The following TRHDE variants were observed in gnomAD, a reference collection of about 807,000 sequenced individuals.
TRHDE encodes thyrotropin-releasing hormone-degrading ectoenzyme.
TRHDE carries 72 observed loss-of-function variants against 125.7 expected under a neutral mutation model. That is an observed-to-expected ratio of 0.57 (90% CI 0.47 to 0.70). TRHDE has a LOEUF of 0.70. Among genes scored for constraint, TRHDE ranks in the 30% least tolerant of loss-of-function variants. The pLI, the probability that TRHDE is intolerant of heterozygous loss-of-function variation, is 0.00. For missense variants in TRHDE, 1,110 were observed against 1,327.1 expected (o/e 0.84, Z 2.54); for synonymous variants, 509 against 509.1 (o/e 1.00, Z 0.00).
chr12:72,100,610 A>G (rs1163351514), intron 1 of TRHDE, among the ~76,000 whole-genome samples: 1 of 152,140 alleles, frequency 6.6e-6, no homozygotes, highest in Non-Finnish European at 1.5e-5. Context: ...TCTGAGGGAG[A>G]AGATAGAGAA....
chr12:72,602,055 G>A (rs1037803303), intron 12 of TRHDE, among the ~76,000 whole-genome samples: 19 of 152,090 alleles, frequency 1.2e-4, no homozygotes, highest in African/African-American at 4.3e-4. Flanking sequence ...TCCTATCAGA[G>A]CTTCATGAGA....
chr12:72,429,637 T>G (rs998056215), intron 3 of TRHDE, among the ~76,000 whole-genome samples: 8 of 152,154 alleles, frequency 5.3e-5, no homozygotes, highest in African/African-American at 1.9e-4. Flanking sequence ...CCATTCTACA[T>G]TCCAGCCACC....
intron 2 of TRHDE, among the ~76,000 whole-genome samples, chr12:72,242,574 C>T (rs1878503581): frequency 6.6e-6 from 1 of 152,138 alleles, no homozygotes; most frequent in Non-Finnish European, 1.5e-5. Context: ...GTAGACTCTC[C>T]TGCTTCTTGA....
intron 2 of TRHDE, among the ~76,000 whole-genome samples, chr12:72,329,765 T>C (rs148963306): frequency 9.1e-4 from 139 of 152,310 alleles, no homozygotes; most frequent in Non-Finnish European, 1.3e-3. Flanking sequence ...ACCATGAAAT[T>C]ATGGCTTATT....
At chr12:72,150,453 T>C (rs1468538206) in intron 2 of TRHDE, among the ~76,000 whole-genome samples, 1 of 151,352 alleles carries the variant, frequency 6.6e-6, no homozygotes, top group African/African-American at 2.4e-5. Flanking sequence ...TACGTGCAGG[T>C]TAGTTATATA....
At chr12:72,541,998 G>A (rs1367891614) in intron 6 of TRHDE, among the ~76,000 whole-genome samples, 2 of 151,296 alleles carry the variant, frequency 1.3e-5, no homozygotes, top group Non-Finnish European at 3.0e-5. Flanking sequence ...CATATATAGT[G>A]TTCAATAAAA....
chr12:72,236,033 T>C (rs995191411), intron 2 of TRHDE, among the ~76,000 whole-genome samples: 2 of 152,220 alleles, frequency 1.3e-5, no homozygotes, highest in Non-Finnish European at 1.5e-5. Context: ...TTTATGAAAG[T>C]ATACTGTCTT....
chr12:72,136,648 G>T (rs926817882), intron 2 of TRHDE, among the ~76,000 whole-genome samples: 2 of 152,218 alleles, frequency 1.3e-5, no homozygotes, highest in African/African-American at 4.8e-5. Flanking sequence ...TTTGCTGATG[G>T]CAATAAGACA....
At chr12:72,122,575 C>T (rs1175033338) in intron 2 of TRHDE, among the ~76,000 whole-genome samples, 1 of 151,848 alleles carries the variant, frequency 6.6e-6, no homozygotes, top group African/African-American at 2.4e-5. Flanking sequence ...AATAATGATA[C>T]TATTTATACT....
chr12:72,621,843 C>T, intron 15 of TRHDE, 92 bp downstream of exon 15: 2 of 989,940 alleles, frequency 2.0e-6, no homozygotes, highest in East Asian at 2.8e-5. Context: ...TGGAGAAAAA[C>T]AAGATAAGGA....
chr12:72,102,620 T>C (rs544997316), intron 1 of TRHDE, among the ~76,000 whole-genome samples: 7 of 152,300 alleles, frequency 4.6e-5, no homozygotes, highest in African/African-American at 1.7e-4. Context: ...TATATGGAGC[T>C]AGGACATCTT....
rs142788853 is a variant in TRHDE at position 72,292,781 on chromosome 12, T to C, written c.1188+5827T>C. ...TCAATGCTACATATTTCAAGGCTTT[T>C]GATATGACAGTGCCCTAATTCCAAG... On this transcript the variant is annotated intron_variant, in intron 2 of 18. Coordinates refer to ENST00000261180, the MANE Select transcript of TRHDE (RefSeq NM_013381.3). Among the ~76,000 whole-genome samples the C allele has an allele frequency of 3.0e-3, 453 of 152,338 alleles. 5 individuals are homozygous for C. Among genetic ancestry groups the C allele is most frequent in the African/African-American group, 0.01 (428 of 41,572 alleles).
At chr12:72,648,784 GA>G (rs150066972) in intron 15 of TRHDE, among the ~76,000 whole-genome samples, 4 of 148,718 alleles carry the variant, frequency 2.7e-5, no homozygotes, top group South Asian at 2.1e-4. Flanking sequence ...CCATCTCTAT[GA>G]AAAAAAAATA....
chr12:72,357,899 C>T (rs1482690760), intron 2 of TRHDE, among the ~76,000 whole-genome samples: 1 of 150,916 alleles, frequency 6.6e-6, no homozygotes, highest in African/African-American at 2.4e-5. Flanking sequence ...AGAGACCATG[C>T]TTTTGGCAAT....
At chr12:72,640,468 C>T (rs923105382) in intron 15 of TRHDE, among the ~76,000 whole-genome samples, 2 of 152,370 alleles carry the variant, frequency 1.3e-5, no homozygotes, top group Middle Eastern at 3.4e-3. Flanking sequence ...CCGTCTTCTG[C>T]ATCGCTCACA....
intron 15 of TRHDE, among the ~76,000 whole-genome samples, chr12:72,644,287 A>AG (rs942712179): frequency 1.3e-5 from 2 of 151,878 alleles, no homozygotes; most frequent in East Asian, 1.9e-4. Flanking sequence ...CTCCCAGGGG[A>AG]GAAATGAGGT....
rs1876553260 is a variant in TRHDE at position 72,469,760 on chromosome 12, C to T, written c.1318C>T (p.Leu440Phe). 6.2e-7 allele frequency: 1 copy of T among 1,613,502 alleles called. No individual in the cohort carries two copies. Among genetic ancestry groups the T allele is most frequent in the African/African-American group, 1.3e-5 (1 of 74,852 alleles). Residue 440 changes from leucine to phenylalanine, a missense_variant and splice_region_variant, in exon 4 of 19, where the codon CTT (leucine) becomes TTT (phenylalanine). Physicochemically the swap from Leu to Phe is conservative, Grantham distance 22. Coordinates refer to ENST00000261180, the MANE Select transcript of TRHDE (RefSeq NM_013381.3). ...GAACTGTTTTATTTTATTTCTAGAT[C>T]TTTTAGCTGTGCCTAAGCATCCGTA... ...KVPYSLPKLD[L>F]LAVPKHPYAA...
chr12:72,480,409 G>C (rs900775008), intron 5 of TRHDE, among the ~76,000 whole-genome samples: 1 of 151,944 alleles, frequency 6.6e-6, no homozygotes, highest in Non-Finnish European at 1.5e-5. Flanking sequence ...TTCTCTGATG[G>C]CCAGTGATGG....
intron 2 of TRHDE, among the ~76,000 whole-genome samples, chr12:72,224,688 TC>T (rs1878088340): frequency 1.3e-5 from 2 of 152,070 alleles, no homozygotes; most frequent in Admixed American, 6.6e-5. Flanking sequence ...AAGATAGCAA[TC>T]AACAAGCTAT....
Sources: allele counts gnomAD v4.1 joint callset (sites outside exome capture counted in the v4.1 genomes callset), GRCh38; gene constraint gnomAD v4.1.1; transcripts MANE v1.5; gene names NCBI Gene and HGNC (gene_info 2026-07-23, HGNC 2026-07-21).